Variants in RDX observed in about 807,000 individuals in gnomAD.
RDX encodes deafness, autosomal recessive 24.
RDX carries 32 observed loss-of-function variants against 83.7 expected under a neutral mutation model. The observed-to-expected ratio is 0.38, with a 90% CI of 0.29 to 0.51. The LOEUF (loss-of-function observed/expected upper bound fraction) is 0.51, where lower values mean the gene tolerates loss of function less well. Ranked by LOEUF, RDX falls within the 20% of genes least tolerant of loss-of-function variation. The pLI, the probability that RDX is intolerant of heterozygous loss-of-function variation, is 0.87. For missense variants in RDX, 600 were observed against 689.9 expected, an observed-to-expected ratio of 0.87 and a Z score of 1.46; for synonymous variants, 229 against 222.7, an observed-to-expected ratio of 1.03 and a Z score of -0.25.
rs371336528 is a variant in RDX at position 110,249,111 on chromosome 11, G to A, written c.960-1278C>T. ...TCTATGTTAGGGGCAAAAATATAAA[G>A]AGGAATAAAAGTCACATGGGGAAAC... On this transcript the variant is annotated intron_variant, in intron 9 of 13. Coordinates refer to ENST00000645495, the MANE Select transcript of RDX (RefSeq NM_002906.4). Among the ~76,000 whole-genome samples, 9 of 152,254 alleles carry A rather than the reference G, an allele frequency of 5.9e-5. No individual in the cohort carries two copies. In the East Asian group the frequency reaches 1.2e-3, roughly 20 times the overall value.
chr11:110,266,609 C>A (rs1456802544), intron 3 of RDX, among the ~76,000 whole-genome samples: 1 of 151,618 alleles, frequency 6.6e-6, no homozygotes, highest in Non-Finnish European at 1.5e-5. Context: ...ACTCTGTACC[C>A]ACAATGGAGT....
chr11:110,288,367 A>G (rs1175470330), intron 1 of RDX: 1 of 152,228 alleles, frequency 6.6e-6, no homozygotes, highest in Non-Finnish European at 1.5e-5. Flanking sequence ...ATACACTATC[A>G]TTTGCAATTA....
intron 14 of RDX, among the ~76,000 whole-genome samples, chr11:110,205,901 A>G (rs1240533440): frequency 6.6e-6 from 1 of 152,198 alleles, no homozygotes; most frequent in East Asian, 1.9e-4. Context: ...TCACTAGAAA[A>G]CATGAATAGA....
intron 7 of RDX, 115 bp downstream of exon 7, chr11:110,257,652 T>G: frequency 9.4e-7 from 1 of 1,069,320 alleles, no homozygotes; most frequent in Non-Finnish European, 1.4e-6. Context: ...ATCTTTTAGT[T>G]TGAAAATAGT....
At chr11:110,276,906 T>C (rs1860539716) in intron 2 of RDX, among the ~76,000 whole-genome samples, 1 of 152,222 alleles carries the variant, frequency 6.6e-6, no homozygotes, top group Non-Finnish European at 1.5e-5. Context: ...CCACTTCACG[T>C]GACTATTCAC....
At chr11:110,233,880 G>A (rs917002506) in intron 12 of RDX, among the ~76,000 whole-genome samples, 3 of 152,132 alleles carry the variant, frequency 2.0e-5, no homozygotes, top group Non-Finnish European at 4.4e-5. Context: ...AAATGTAACC[G>A]AATAACGGAG....
At chr11:110,267,454 A>G (rs1459295268) in intron 3 of RDX, among the ~76,000 whole-genome samples, 1 of 150,530 alleles carries the variant, frequency 6.6e-6, no homozygotes. Context: ...CAGAGGCTGC[A>G]GTGAGCCGAG....
rs1173135684 is a variant in RDX at position 110,269,087 on chromosome 11, G to A, written c.96+3449C>T. On this transcript the variant is annotated intron_variant, in intron 3 of 13. Transcript: ENST00000645495. ...TCCCACCTCAGCCTCCTGAGTAGCT[G>A]GGATTACAAGTGTGCACCACCACAC... 4.0e-5 allele frequency among the ~76,000 whole-genome samples: 6 copies of A among 151,746 alleles called. No homozygotes were observed. In the East Asian group the frequency reaches 1.2e-3, roughly 29 times the overall value.
chr11:110,194,945 G>C (rs1359305849), intron 15 of RDX, among the ~76,000 whole-genome samples: 2 of 152,048 alleles, frequency 1.3e-5, no homozygotes, highest in Non-Finnish European at 2.9e-5. Context: ...ACATGCTCTT[G>C]AAGGCTGTAA....
intron 15 of RDX, among the ~76,000 whole-genome samples, chr11:110,182,115 T>C (rs1038852662): frequency 2.0e-5 from 3 of 152,202 alleles, no homozygotes; most frequent in African/African-American, 7.2e-5. Context: ...AAGCTGAGAC[T>C]TCCAATTCTA....
At chr11:110,279,610 G>C in intron 2 of RDX, 71 bp downstream of exon 2, 1 of 1,010,792 alleles carries the variant, frequency 9.9e-7, no homozygotes, top group Non-Finnish European at 1.6e-6. Flanking sequence ...AACATTCTTT[G>C]TCTTGTTCCA....
intron 5 of RDX, among the ~76,000 whole-genome samples, chr11:110,260,562 T>A (rs11213329): frequency 6.6e-6 from 1 of 152,042 alleles, no homozygotes; most frequent in Non-Finnish European, 1.5e-5. Context: ...AGGTCTCAGA[T>A]TCCCGAGTAG....
chr11:110,208,551 G>A (rs1231354231), intron 14 of RDX, among the ~76,000 whole-genome samples: 2 of 152,158 alleles, frequency 1.3e-5, no homozygotes, highest in African/African-American at 4.8e-5. Context: ...GGCTTAAAAA[G>A]CCTTCTATCC....
At chr11:110,209,339 C>A (rs1481648121) in intron 14 of RDX, among the ~76,000 whole-genome samples, 2 of 151,618 alleles carry the variant, frequency 1.3e-5, no homozygotes, top group Non-Finnish European at 3.0e-5. Context: ...GAGGGTCCTA[C>A]GCCCACGGAG....
In RDX at chr11:110,259,127, G is replaced by A. The variant is rs190703871; in HGVS notation, c.468-938C>T. 9.3e-4 allele frequency among the ~76,000 whole-genome samples: 141 copies of A among 151,956 alleles called. 1 individual carries two copies. The highest frequency in any genetic ancestry group is 3.1e-3 in the African/African-American group (130 of 41,448). On this transcript the variant is annotated intron_variant, in intron 5 of 13. Transcript: ENST00000645495. ...TTTTTTTGGTATTTTTAGTAGAGAC[G>A]GGGTTTCGCCATGTTGGCCAGGTTG...
chr11:110,212,082 C>T (rs1432414623), intron 14 of RDX, among the ~76,000 whole-genome samples: 5 of 136,670 alleles, frequency 3.7e-5, no homozygotes, highest in East Asian at 2.2e-4. Context: ...ATTGATAGAC[C>T]GCTAGCAAGA....
intron 5 of RDX, chr11:110,263,284 G>GGGAAAA (rs1308009781): frequency 6.6e-6 from 1 of 151,214 alleles, no homozygotes; most frequent in Non-Finnish European, 1.5e-5. Context: ...ATCTCGGGGG[G>GGGAAAA]GGAAAAAGTC....
rs58146009 is a variant in RDX, at chr11:110,289,956, CAAAAAAAAAAAAAAAAA to C, written c.-65+6494_-65+6510del. Among the ~76,000 whole-genome samples, 17 of 35,486 alleles carry C rather than the reference CAAAAAAAAAAAAAAAAA, an allele frequency of 4.8e-4. No homozygotes were observed. In the South Asian group the frequency reaches 0.014, roughly 30 times the overall value. 23.3% of individuals were successfully genotyped at this position (35,486 alleles called of 152,430 possible). ...CCTGGGTGACAAAGTGAGACTGTCT[CAAAAAAAAAAAAAAAAA>C]AAAAAAAAACAAGGGTCCTTACGTT... On this transcript the variant is annotated intron_variant, in intron 1 of 13. Coordinates refer to ENST00000645495, the MANE Select transcript of RDX (RefSeq NM_002906.4).
chr11:110,219,047 G>T (rs1398276352), intron 14 of RDX, among the ~76,000 whole-genome samples: 6 of 152,136 alleles, frequency 3.9e-5, no homozygotes, highest in Admixed American at 3.9e-4. Context: ...TATGCTAGAT[G>T]GTAAGTGCTA....
Sources: allele counts gnomAD v4.1 joint callset (sites outside exome capture counted in the v4.1 genomes callset), GRCh38; gene constraint gnomAD v4.1.1; transcripts MANE v1.5; gene names NCBI Gene and HGNC (gene_info 2026-07-23, HGNC 2026-07-21).